The following TENM4 variants were observed in gnomAD, a reference collection of about 807,000 sequenced individuals.
TENM4 encodes teneurin-4.
In TENM4, 82 loss-of-function variants were observed where a neutral mutation model predicts 243.3. The observed-to-expected ratio is 0.34, with a 90% confidence interval of 0.28 to 0.40. TENM4 has a LOEUF of 0.40. Among genes scored for constraint, TENM4 ranks in the 10% least tolerant of loss-of-function variants. TENM4 has a pLI of 1.00. For synonymous variants in TENM4, 1,412 were observed against 1,456.3 expected, an observed-to-expected ratio of 0.97 and a Z score of 0.69; for missense variants, 3,138 against 3,673.3, an observed-to-expected ratio of 0.85 and a Z score of 3.77.
chr11:78,848,671 C>T (rs1348350866), intron 12 of TENM4, among the ~76,000 whole-genome samples: 1 of 152,168 alleles, frequency 6.6e-6, no homozygotes, highest in Non-Finnish European at 1.5e-5. Context: ...ACTGTTCTTA[C>T]TCTTTTCCTT....
rs896926979 is a variant in TENM4 at position 78,851,955 on chromosome 11, T to G, written c.1681+2149A>C. Among the ~76,000 whole-genome samples, 8 of 152,334 alleles carry G rather than the reference T, an allele frequency of 5.3e-5. No homozygotes were observed. The South Asian group carries it at 1.2e-3, about 24-fold the overall frequency. On this transcript the variant is annotated intron_variant, in intron 12 of 33. Transcript: ENST00000278550. The stretch of plus-strand genomic sequence containing the variant: ...GAGACTGAAAATGGAGCACAATCCC[T>G]GCCACAGTTCACAAGAAGGTATCCA...
intron 6 of TENM4, among the ~76,000 whole-genome samples, chr11:79,038,190 G>A (rs1489507663): frequency 1.3e-5 from 2 of 152,182 alleles, no homozygotes; most frequent in African/African-American, 4.8e-5. Context: ...TCCCTTGCCT[G>A]GGTGAATGAA....
intron 3 of TENM4, among the ~76,000 whole-genome samples, chr11:79,164,853 C>T (rs770444238): frequency 3.3e-5 from 5 of 151,716 alleles, no homozygotes; most frequent in African/African-American, 1.2e-4. Flanking sequence ...GATTCTGAGG[C>T]CTCCCTAGCC....
intron 6 of TENM4, among the ~76,000 whole-genome samples, chr11:78,915,106 G>T (rs1856285287): frequency 1.3e-5 from 2 of 152,326 alleles, no homozygotes; most frequent in Admixed American, 6.5e-5. Context: ...TTAAAAAGGT[G>T]CCAAGGTTAA....
intron 4 of TENM4, among the ~76,000 whole-genome samples, chr11:79,138,332 A>ATTG (rs1491256230): frequency 1.3e-5 from 1 of 76,006 alleles, no homozygotes; most frequent in Admixed American, 1.4e-4. Context: ...TATATATATT[A>ATTG]TATATATAAT....
intron 1 of TENM4, among the ~76,000 whole-genome samples, chr11:79,319,383 C>A (rs1288779531): frequency 6.6e-6 from 1 of 152,098 alleles, no homozygotes; most frequent in Non-Finnish European, 1.5e-5. Flanking sequence ...CCTTATGAAT[C>A]CAGAAACTTA....
At chr11:79,078,510 C>T (rs1420942857) in intron 4 of TENM4, among the ~76,000 whole-genome samples, 1 of 152,068 alleles carries the variant, frequency 6.6e-6, no homozygotes, top group Non-Finnish European at 1.5e-5. Context: ...TTGTGCAAAC[C>T]AGAGAAGGAG....
chr11:79,398,750 A>G (rs1858398126), intron 1 of TENM4, among the ~76,000 whole-genome samples: 3 of 108,240 alleles, frequency 2.8e-5, no homozygotes, highest in South Asian at 6.7e-4. Context: ...AAAAAAAAAA[A>G]AAAAAAAAAG....
chr11:78,787,404 C>T (rs1856964212), intron 15 of TENM4, among the ~76,000 whole-genome samples: 1 of 152,188 alleles, frequency 6.6e-6, no homozygotes, highest in Admixed American at 6.5e-5. Context: ...CCAACCTGTC[C>T]CTGCCTTTGT....
At chr11:78,673,580 A>G (rs976305779) in intron 30 of TENM4, among the ~76,000 whole-genome samples, 16 of 152,182 alleles carry the variant, frequency 1.1e-4, no homozygotes, top group African/African-American at 3.9e-4. Context: ...CAACTTTTCT[A>G]TCAACCTTGG....
At chr11:78,755,136 C>T (rs912567717) in intron 19 of TENM4, among the ~76,000 whole-genome samples, 3 of 152,138 alleles carry the variant, frequency 2.0e-5, no homozygotes, top group Non-Finnish European at 2.9e-5. Context: ...AGTCCCTGCT[C>T]TTTTCTCATT....
intron 9 of TENM4, among the ~76,000 whole-genome samples, chr11:78,888,129 C>A (rs754960082): frequency 6.6e-6 from 1 of 152,340 alleles, no homozygotes; most frequent in East Asian, 1.9e-4. Context: ...AGGCCTTGAC[C>A]TCTCCCAGTC....
intron 2 of TENM4, among the ~76,000 whole-genome samples, chr11:79,230,167 G>A (rs59276975): frequency 0.022 from 3,322 of 152,246 alleles, 142 homozygotes; most frequent in African/African-American, 0.076. Flanking sequence ...TGACAAAGAA[G>A]CTGGCATTTT....
intron 32 of TENM4, among the ~76,000 whole-genome samples, chr11:78,666,771 A>G (rs1227857672): frequency 1.3e-5 from 2 of 152,208 alleles, no homozygotes; most frequent in Non-Finnish European, 2.9e-5. Flanking sequence ...ATCTGCAGAA[A>G]GGAGATAATG....
intron 1 of TENM4, among the ~76,000 whole-genome samples, chr11:79,368,393 T>G (rs908235302): frequency 6.6e-6 from 1 of 152,142 alleles, no homozygotes; most frequent in African/African-American, 2.4e-5. Flanking sequence ...ACAGAGACAG[T>G]GAGAATTAAA....
chr11:78,928,995 A>G (rs1250515572), intron 6 of TENM4, among the ~76,000 whole-genome samples: 1 of 152,188 alleles, frequency 6.6e-6, no homozygotes, highest in African/African-American at 2.4e-5. Context: ...TGAATTGTGA[A>G]CCTCATGGCT....
intron 2 of TENM4, among the ~76,000 whole-genome samples, chr11:79,270,660 A>G (rs974245730): frequency 3.9e-5 from 6 of 151,998 alleles, no homozygotes; most frequent in Non-Finnish European, 7.4e-5. Context: ...CTCTCTATCT[A>G]GAGCACCCTC....
chr11:79,169,814 A>T (rs1284694167), intron 3 of TENM4, among the ~76,000 whole-genome samples: 1 of 152,258 alleles, frequency 6.6e-6, no homozygotes, highest in Non-Finnish European at 1.5e-5. Flanking sequence ...GAGCTGGCAG[A>T]CAGAGATCTT....
At chr11:79,241,322 G>A (rs1864584837) in intron 2 of TENM4, among the ~76,000 whole-genome samples, 1 of 152,042 alleles carries the variant, frequency 6.6e-6, no homozygotes, top group Non-Finnish European at 1.5e-5. Context: ...GGAGGGCCAG[G>A]CAGCAAGGTG....
Sources: gnomAD v4.1 joint callset for allele counts (sites outside exome capture counted in the v4.1 genomes callset) on GRCh38, gnomAD v4.1.1 for gene constraint, MANE v1.5 for transcripts, NCBI Gene and HGNC (gene_info 2026-07-23, HGNC 2026-07-21) for gene names.